The following SLC25A48 variants were observed in gnomAD, a reference collection of about 807,000 sequenced individuals.
The protein encoded by SLC25A48 is CTC-321K16.1.
SLC25A48 carries 29 observed loss-of-function variants against 32.2 expected under a neutral mutation model. The observed-to-expected ratio is 0.90, with a 90% CI of 0.67 to 1.23. The LOEUF is 1.23. SLC25A48 is among the 50% of genes most tolerant of loss of function. The pLI is 0.00. For missense variants in SLC25A48, 399 were observed against 422.7 expected (o/e 0.94, Z 0.49); for synonymous variants, 164 against 172.3 (o/e 0.95, Z 0.38).
At chr5:135,593,819 C>T (rs77277068) in intron 1 of SLC25A48, among the ~76,000 whole-genome samples, 6 of 152,292 alleles carry the variant, frequency 3.9e-5, no homozygotes, top group South Asian at 4.2e-4. Flanking sequence ...GACAGACAAA[C>T]GTTCTGAAAT....
At position 135,871,562 on chromosome 5, in the gene SLC25A48, G is replaced by A. The variant is rs556527266; in HGVS notation, c.523G>A (p.Ala175Thr). The A allele has an allele frequency of 5.6e-6, 9 of 1,614,208 alleles. No individual in the cohort carries two copies. Among genetic ancestry groups the A allele is most frequent in the East Asian group, 2.2e-5 (1 of 44,876 alleles). The change falls in exon 5 of 8, where the codon GCG (alanine) becomes ACG (threonine). Residue 175 changes from alanine to threonine, a missense_variant. By Grantham distance (58) the Ala-to-Thr change is moderately conservative. Transcript: ENST00000681962. ...ITTIVRNEGL[A>T]GLYRGASAML... The stretch of plus-strand genomic sequence containing the variant: ...AACCATTGTGAGGAATGAGGGCCTG[G>A]CGGGGCTATACCGGGGGGCCAGTGC...
chr5:135,673,562 A>T (rs1356948687), intron 3 of SLC25A48, among the ~76,000 whole-genome samples: 1 of 151,988 alleles, frequency 6.6e-6, no homozygotes, highest in Non-Finnish European at 1.5e-5. Context: ...TTTAAACTGA[A>T]TTTTTTGTCT....
At chr5:135,710,055 T>C (rs1241198917) in intron 3 of SLC25A48, among the ~76,000 whole-genome samples, 7 of 152,298 alleles carry the variant, frequency 4.6e-5, no homozygotes, top group East Asian at 1.9e-4. Flanking sequence ...ATGTGCACAG[T>C]TGGCCAATAT....
At chr5:135,590,305 A>G (rs185741886) in intron 1 of SLC25A48, among the ~76,000 whole-genome samples, 1 of 152,224 alleles carries the variant, frequency 6.6e-6, no homozygotes, top group African/African-American at 2.4e-5. Flanking sequence ...ACACCCTCTG[A>G]GCAAAGCCTG....
chr5:135,762,898 G>A (rs921214842), intron 3 of SLC25A48, among the ~76,000 whole-genome samples: 1 of 152,152 alleles, frequency 6.6e-6, no homozygotes, highest in Non-Finnish European at 1.5e-5. Flanking sequence ...ATGTGAGTGT[G>A]TGAATGTGTG....
chr5:135,616,496 G>C (rs1323228240), intron 1 of SLC25A48, among the ~76,000 whole-genome samples: 1 of 152,196 alleles, frequency 6.6e-6, no homozygotes, highest in Non-Finnish European at 1.5e-5. Flanking sequence ...TTTCAAACTT[G>C]CATGTTTCAA....
In SLC25A48 at chr5:135,681,118, C is replaced by T. The variant is rs1029608463; in HGVS notation, c.-521+46162C>T. On this transcript the variant is annotated intron_variant, in intron 3 of 10. Transcript: ENST00000646290. Reference sequence around the variant, plus strand: ...CTCCTGCCTCAGCCTCCTGAGTGGCCGGGATTACAGGCATGCCCGGCTAAT... The same window carrying T: ...CTCCTGCCTCAGCCTCCTGAGTGGCTGGGATTACAGGCATGCCCGGCTAAT... 5.3e-5 allele frequency among the ~76,000 whole-genome samples: 8 copies of T among 152,076 alleles called. No homozygotes were observed. The East Asian group carries it at 7.7e-4, about 15-fold the overall frequency.
intron 3 of SLC25A48, among the ~76,000 whole-genome samples, chr5:135,789,043 G>A (rs1221523232): frequency 6.6e-6 from 1 of 151,770 alleles, no homozygotes; most frequent in Non-Finnish European, 1.5e-5. Context: ...GTTGGGGGAT[G>A]TACACCCCCA....
intron 3 of SLC25A48, chr5:135,746,407 C>A: frequency 5.4e-6 from 1 of 184,248 alleles, no homozygotes; most frequent in South Asian, 1.0e-4. Context: ...ACAGTTTTGC[C>A]CTGCCACCCA....
At chr5:135,654,099 A>G (rs1580757983) in intron 3 of SLC25A48, among the ~76,000 whole-genome samples, 1 of 152,288 alleles carries the variant, frequency 6.6e-6, no homozygotes, top group East Asian at 1.9e-4. Flanking sequence ...AGCAGGAGAG[A>G]CAAAAATGGG....
intron 3 of SLC25A48, among the ~76,000 whole-genome samples, chr5:135,731,613 T>C (rs1182521630): frequency 1.3e-5 from 2 of 152,152 alleles, no homozygotes; most frequent in African/African-American, 2.4e-5. Flanking sequence ...ATTTGTCATA[T>C]AGAATGATTG....
intron 2 of SLC25A48, among the ~76,000 whole-genome samples, chr5:135,845,083 C>T (rs756293847): frequency 2.6e-4 from 39 of 152,232 alleles, no homozygotes; most frequent in Non-Finnish European, 4.4e-4. Context: ...TTTATTTCCT[C>T]GCAAGTCAGG....
intron 3 of SLC25A48, among the ~76,000 whole-genome samples, chr5:135,798,863 G>C (rs1377448265): frequency 6.6e-6 from 1 of 151,648 alleles, no homozygotes; most frequent in African/African-American, 2.4e-5. Flanking sequence ...CACTTTGCTT[G>C]TGATATTGTT....
At chr5:135,864,027 GA>G (rs1159408233) in intron 4 of SLC25A48, among the ~76,000 whole-genome samples, 7 of 152,174 alleles carry the variant, frequency 4.6e-5, no homozygotes, top group Non-Finnish European at 2.9e-5. Context: ...CATATGGATA[GA>G]AAGGAATCAG....
Position 135,794,564 on chromosome 5 carries a change from A to G in SLC25A48, c.-520-17959A>G, listed in dbSNP as rs72791350. 8.7e-3 allele frequency among the ~76,000 whole-genome samples: 1,329 copies of G among 151,920 alleles called. 7 individuals are homozygous for G. Among genetic ancestry groups the G allele is most frequent in the Non-Finnish European group, 0.013 (890 of 67,902 alleles). ...GGAAAAGAAGATGATATTACTGTCA[A>G]TATTGCAGAAGGTGTACACTCCCCA... On this transcript the variant is annotated intron_variant, in intron 3 of 10. Coordinates refer to the SLC25A48 transcript ENST00000646290.
intron 1 of SLC25A48, among the ~76,000 whole-genome samples, chr5:135,589,680 A>G (rs1349278332): frequency 6.6e-6 from 1 of 151,790 alleles, no homozygotes; most frequent in Non-Finnish European, 1.5e-5. Context: ...ATTTTAATTA[A>G]TTAATTAATG....
At chr5:135,734,141 G>A (rs1444808209) in intron 3 of SLC25A48, among the ~76,000 whole-genome samples, 4 of 152,126 alleles carry the variant, frequency 2.6e-5, no homozygotes, top group African/African-American at 7.2e-5. Flanking sequence ...AGGGTGATTA[G>A]GTTTTAATGG....
intron 3 of SLC25A48, among the ~76,000 whole-genome samples, chr5:135,807,488 C>T (rs946235718): frequency 2.0e-5 from 3 of 150,308 alleles, no homozygotes; most frequent in Admixed American, 1.3e-4. Context: ...CTATGTGATA[C>T]ATTACATATG....
Position 135,886,588 on chromosome 5 carries a change from AATATATATATAT to A in SLC25A48, c.*8-1406_*8-1395del, listed in dbSNP as rs147005349. ...AACACATTATGGTTCTATTTAACCA[AATATATATATAT>A]ATATATATATATATATATATATATA... On this transcript the variant is annotated intron_variant, in intron 7 of 7. Coordinates refer to ENST00000681962, the MANE Select transcript of SLC25A48 (RefSeq NM_001349336.2). Among the ~76,000 whole-genome samples the A allele has an allele frequency of 3.4e-4, 12 of 35,444 alleles. 1 individual carries two copies. The highest frequency in any genetic ancestry group is 2.9e-3 in the East Asian group (2 of 694). The allele number at this position is 35,444 out of a possible 152,430, so 23.3% of individuals were successfully genotyped here.
Sources: gnomAD v4.1 joint callset for allele counts (sites outside exome capture counted in the v4.1 genomes callset) on GRCh38, gnomAD v4.1.1 for gene constraint, MANE v1.5 for transcripts, NCBI Gene and HGNC (gene_info 2026-07-23, HGNC 2026-07-21) for gene names.